LRRC4C: variants seen among roughly 807,000 people sequenced by gnomAD.
LRRC4C encodes the protein leucine rich repeat containing 4C.
LRRC4C carries 5 observed loss-of-function variants against 33.6 expected under a neutral mutation model. The observed-to-expected ratio is 0.15, with a 90% CI of 0.08 to 0.31. The LOEUF is 0.31. Ranked by LOEUF, LRRC4C falls within the 10% of genes least tolerant of loss-of-function variation. The pLI is 1.00. For missense variants in LRRC4C, 560 were observed against 796.7 expected (o/e 0.70, Z 3.58); for synonymous variants, 329 against 302.0 (o/e 1.09, Z -0.93).
intron 1 of LRRC4C, among the ~76,000 whole-genome samples, chr11:41,104,120 C>T (rs530590547): frequency 9.9e-5 from 15 of 151,730 alleles, no homozygotes; most frequent in East Asian, 1.9e-4. Flanking sequence ...GGTATTATCA[C>T]GATTAATAAC....
chr11:40,561,116 T>C (rs983283045), intron 3 of LRRC4C, among the ~76,000 whole-genome samples: 1 of 152,138 alleles, frequency 6.6e-6, no homozygotes, highest in Non-Finnish European at 1.5e-5. Context: ...AGGAAAATAA[T>C]GTGTCTTCCT....
At chr11:40,558,246 C>G (rs570655033) in intron 3 of LRRC4C, among the ~76,000 whole-genome samples, 1 of 152,280 alleles carries the variant, frequency 6.6e-6, no homozygotes, top group Admixed American at 6.5e-5. Flanking sequence ...ATAACAAGTT[C>G]TTAAAACATT....
chr11:41,020,247 A>T (rs1855869430), intron 1 of LRRC4C, among the ~76,000 whole-genome samples: 1 of 152,168 alleles, frequency 6.6e-6, no homozygotes, highest in Admixed American at 6.5e-5. Flanking sequence ...CTTTTTACTG[A>T]ATAAAACAAT....
intron 1 of LRRC4C, among the ~76,000 whole-genome samples, chr11:41,032,118 T>G (rs888613178): frequency 1.3e-5 from 2 of 152,012 alleles, no homozygotes; most frequent in African/African-American, 4.8e-5. Flanking sequence ...TGGGAATTTT[T>G]GGGGAAAGCT....
intron 2 of LRRC4C, among the ~76,000 whole-genome samples, chr11:40,837,707 C>T (rs1474914741): frequency 1.3e-5 from 2 of 149,732 alleles, no homozygotes; most frequent in South Asian, 2.1e-4. Flanking sequence ...ATTAATTAGC[C>T]GGTATGGTGG....
chr11:41,242,514 GA>G (rs1342310240), intron 1 of LRRC4C, among the ~76,000 whole-genome samples: 2 of 151,962 alleles, frequency 1.3e-5, no homozygotes, highest in African/African-American at 4.8e-5. Context: ...TATCTTTTAA[GA>G]ACTCAGATAT....
chr11:40,941,064 G>A (rs1412318878), intron 1 of LRRC4C, among the ~76,000 whole-genome samples: 1 of 151,760 alleles, frequency 6.6e-6, no homozygotes, highest in African/African-American at 2.4e-5. Flanking sequence ...AGAACTGGCT[G>A]GAGTCAAGCA....
chr11:40,797,174 A>C (rs1565073890), intron 2 of LRRC4C, among the ~76,000 whole-genome samples: 1 of 152,184 alleles, frequency 6.6e-6, no homozygotes, highest in Non-Finnish European at 1.5e-5. Flanking sequence ...TTTTTAAAGG[A>C]TAGAGAAGGT....
At chr11:41,256,783 A>T (rs972269705) in intron 1 of LRRC4C, among the ~76,000 whole-genome samples, 1 of 152,050 alleles carries the variant, frequency 6.6e-6, no homozygotes, top group African/African-American at 2.4e-5. Flanking sequence ...TAGACCATAA[A>T]AATCTTTCAG....
At chr11:40,690,538 T>C (rs1405903556) in intron 2 of LRRC4C, among the ~76,000 whole-genome samples, 1 of 152,096 alleles carries the variant, frequency 6.6e-6, no homozygotes, top group African/African-American at 2.4e-5. Flanking sequence ...GATTGGAAGA[T>C]GTTGACGTGG....
At chr11:40,970,715 T>G (rs1010021647) in intron 1 of LRRC4C, among the ~76,000 whole-genome samples, 1 of 152,154 alleles carries the variant, frequency 6.6e-6, no homozygotes, top group Non-Finnish European at 1.5e-5. Context: ...TAGAGCCTTG[T>G]TAAACTGCTG....
intron 3 of LRRC4C, among the ~76,000 whole-genome samples, chr11:40,485,170 A>T (rs916542925): frequency 6.6e-6 from 1 of 151,976 alleles, no homozygotes. Context: ...TTACTGGCCA[A>T]ATTTGATATA....
At chr11:40,226,001 T>C (rs562746256) in intron 5 of LRRC4C, among the ~76,000 whole-genome samples, 1 of 152,366 alleles carries the variant, frequency 6.6e-6, no homozygotes, top group Admixed American at 6.5e-5. Flanking sequence ...TACATAGATA[T>C]GTGATAAACA....
intron 2 of LRRC4C, among the ~76,000 whole-genome samples, chr11:40,861,968 T>C (rs755952380): frequency 6.6e-5 from 10 of 152,096 alleles, no homozygotes; most frequent in Non-Finnish European, 1.3e-4. Flanking sequence ...TTCCACCAGG[T>C]CCCACCTCTC....
chr11:40,447,471 C>G (rs1239143142), intron 3 of LRRC4C, among the ~76,000 whole-genome samples: 1 of 152,174 alleles, frequency 6.6e-6, no homozygotes, highest in Non-Finnish European at 1.5e-5. Flanking sequence ...GGGACCATTG[C>G]TAGCATCCAC....
chr11:40,890,928 T>C (rs1955676932), intron 2 of LRRC4C, among the ~76,000 whole-genome samples: 1 of 152,168 alleles, frequency 6.6e-6, no homozygotes, highest in Non-Finnish European at 1.5e-5. Flanking sequence ...AATTCAAATT[T>C]ACAGCTAGGT....
At chr11:40,516,038 G>GA (rs1312857869) in intron 3 of LRRC4C, among the ~76,000 whole-genome samples, 28 of 152,138 alleles carry the variant, frequency 1.8e-4, no homozygotes, top group African/African-American at 6.5e-4. Flanking sequence ...TACATGTGAA[G>GA]AAATCTTTTG....
intron 3 of LRRC4C, among the ~76,000 whole-genome samples, chr11:40,527,683 A>G (rs1263965208): frequency 6.6e-6 from 1 of 152,224 alleles, no homozygotes; most frequent in Non-Finnish European, 1.5e-5. Context: ...CCATTGAACT[A>G]TCTAAATAGA....
intron 1 of LRRC4C, among the ~76,000 whole-genome samples, chr11:41,398,368 ACT>A (rs35176168): frequency 0.051 from 7,721 of 151,798 alleles, 650 homozygotes; most frequent in African/African-American, 0.17. Flanking sequence ...CCCATTACGT[ACT>A]CTCTCTAGTC....
Sources: allele counts gnomAD v4.1 joint callset (sites outside exome capture counted in the v4.1 genomes callset), GRCh38; gene constraint gnomAD v4.1.1; transcripts MANE v1.5; gene names NCBI Gene and HGNC (gene_info 2026-07-23, HGNC 2026-07-21).